Variants in SIAE observed in about 807,000 individuals in gnomAD.
SIAE encodes the protein sialate O-acetylesterase.
Under a neutral mutation model 52.6 loss-of-function variants are expected in SIAE, and 39 were observed. That is an observed-to-expected ratio of 0.74 (90% CI 0.57 to 0.97). The LOEUF (loss-of-function observed/expected upper bound fraction) is 0.97, where lower values mean the gene tolerates loss of function less well. SIAE is among the 50% of genes least tolerant of loss of function. The pLI is 0.00. For missense variants in SIAE, 592 were observed against 662.1 expected, an observed-to-expected ratio of 0.89 and a Z score of 1.16; for synonymous variants, 233 against 241.4, an observed-to-expected ratio of 0.97 and a Z score of 0.32.
rs1267670839 is a variant in SIAE, at chr11:124,635,394, A to C, written c.*1557T>G. ...CTAAATAAAATCTTGGCACTGACAA[A>C]GTTATTCCTGCTGTTTGGAGCTACA... is the stretch of plus-strand genomic sequence containing the variant. On this transcript the variant is annotated 3_prime_UTR_variant, in exon 10 of 10. Coordinates refer to ENST00000263593, the MANE Select transcript of SIAE (RefSeq NM_170601.5). The C allele has an allele frequency of 6.6e-6, 1 of 152,194 alleles. No homozygotes were observed. Among genetic ancestry groups the C allele is most frequent in the African/African-American group, 2.4e-5 (1 of 41,430 alleles). The allele number at this position is 152,194 out of a possible 1,614,324, so 9.4% of individuals were successfully genotyped here. A position where few individuals can be genotyped will look rare whatever the true frequency, so the allele number is the denominator to read the frequency against.
chr11:124,665,767 C>T (rs1008420774), intron 2 of SIAE, among the ~76,000 whole-genome samples: 2 of 151,710 alleles, frequency 1.3e-5, no homozygotes, highest in East Asian at 1.9e-4. Context: ...TGCAGTGAAC[C>T]GAGATCACAC....
chr11:124,638,193 G>C (rs1157740373), intron 9 of SIAE, among the ~76,000 whole-genome samples: 1 of 152,216 alleles, frequency 6.6e-6, no homozygotes, highest in Non-Finnish European at 1.5e-5. Flanking sequence ...CAAGGATGGG[G>C]TAAATATTCT....
chr11:124,641,959 C>CAAAA (rs11327177), intron 7 of SIAE, among the ~76,000 whole-genome samples: 5 of 39,142 alleles, frequency 1.3e-4, no homozygotes, highest in Admixed American at 2.5e-4. Flanking sequence ...GACTCCATCT[C>CAAAA]AAAAAAAAAA....
chr11:124,671,090 T>C (rs189127843), intron 1 of SIAE, among the ~76,000 whole-genome samples: 1 of 152,312 alleles, frequency 6.6e-6, no homozygotes, highest in Admixed American at 6.5e-5. Flanking sequence ...GGGAAATACC[T>C]TCCCAAGTCT....
rs1942678726 is a variant in SIAE at position 124,634,473 on chromosome 11, C to A, written c.*2478G>T. 1 of 152,028 alleles carries A rather than the reference C, an allele frequency of 6.6e-6. No homozygotes were observed. The highest frequency in any genetic ancestry group is 1.5e-5 in the Non-Finnish European group (1 of 68,016). The allele number at this position is 152,028 out of a possible 1,614,324, so 9.4% of individuals were successfully genotyped here. A position where few individuals can be genotyped will look rare whatever the true frequency, so the allele number is the denominator to read the frequency against. ...GAGGGTGAGGGCAAAAAAAGGACTACCTTGGTGAGAATGTAAGTTGTTTAA... is the reference window on the plus strand; with the variant it reads ...GAGGGTGAGGGCAAAAAAAGGACTAACTTGGTGAGAATGTAAGTTGTTTAA... On this transcript the variant is annotated 3_prime_UTR_variant, in exon 10 of 10. Coordinates refer to ENST00000263593, the MANE Select transcript of SIAE (RefSeq NM_170601.5).
chr11:124,668,450 T>TA (rs1253232032), intron 2 of SIAE, among the ~76,000 whole-genome samples: 1 of 152,232 alleles, frequency 6.6e-6, no homozygotes, highest in Admixed American at 6.5e-5. Flanking sequence ...CACCAGTACC[T>TA]AGCACAGTAT....
At position 124,636,492 on chromosome 11, in the gene SIAE, C is replaced by G. The variant is rs1278822700; in HGVS notation, c.*459G>C. 9.2e-6 allele frequency: 2 copies of G among 216,588 alleles called. No homozygotes were observed. Among genetic ancestry groups the G allele is most frequent in the Non-Finnish European group, 1.9e-5 (2 of 107,224 alleles). The allele number at this position is 216,588 out of a possible 1,614,324, so 13.4% of individuals were successfully genotyped here. ...CCATATCACCCTGAACGCGCCTGAT[C>G]TCATCTGATCTCGGAAGCTAAGCAG... On this transcript the variant is annotated 3_prime_UTR_variant, in exon 10 of 10. Transcript: ENST00000263593.
intron 4 of SIAE, 64 bp from the exon 5 acceptor site, chr11:124,649,860 GC>G: frequency 6.4e-6 from 10 of 1,560,144 alleles, no homozygotes; most frequent in Non-Finnish European, 7.9e-6. Flanking sequence ...AACTGCAGCT[GC>G]TAGGTGGGTC....
At chr11:124,655,191 G>GTT (rs1943079070) in intron 3 of SIAE, among the ~76,000 whole-genome samples, 1 of 88,052 alleles carries the variant, frequency 1.1e-5, no homozygotes, top group African/African-American at 3.5e-5. Context: ...TTTTTTTTTT[G>GTT]TGTGTGAGAC....
chr11:124,675,153 C>G, upstream of SIAE: 1 of 1,344,478 alleles, frequency 7.4e-7, no homozygotes, highest in Non-Finnish European at 1.0e-6. Flanking sequence ...ATGTATGAGT[C>G]TCAGAAATAA....
chr11:124,656,207 C>T (rs1943096327), intron 3 of SIAE, among the ~76,000 whole-genome samples: 1 of 152,084 alleles, frequency 6.6e-6, no homozygotes, highest in Non-Finnish European at 1.5e-5. Context: ...ATACTCAACC[C>T]GTATGTATTG....
In SIAE at chr11:124,657,408, G is replaced by T. The variant is rs545400863; in HGVS notation, c.406-2615C>A. Among the ~76,000 whole-genome samples the T allele has an allele frequency of 6.6e-5, 10 of 152,352 alleles. No homozygotes were observed. In the East Asian group the frequency reaches 1.9e-3, roughly 29 times the overall value. On this transcript the variant is annotated intron_variant, in intron 3 of 9. Transcript: ENST00000263593. ...ATCCTATGTTGCTTCCATGGAAACA[G>T]TGGATGAAACTGCTTTCATTCTCTC...
At position 124,639,864 on chromosome 11, in the gene SIAE, A is replaced by G. The variant is rs749602570; in HGVS notation, c.970T>C (p.Ser324Pro). 5 of 1,614,124 alleles carry G rather than the reference A, an allele frequency of 3.1e-6. No individual in the cohort carries two copies. Among genetic ancestry groups the G allele is most frequent in the Non-Finnish European group, 3.4e-6 (4 of 1,180,028 alleles). The change falls in exon 8 of 10, where the codon TCT becomes CCT. Residue 324 changes from serine to proline, a missense_variant. By Grantham distance (74) the Ser-to-Pro change is moderately conservative. Transcript: ENST00000263593. ...RFFPFGLVQL[S>P]SDLSKKSSDD... Reference sequence around the variant, plus strand: ...GAGCTCTTCTTAGACAAATCTGAAGATAACTAGAAAGCAGAGACATTGCTA... The same window carrying G: ...GAGCTCTTCTTAGACAAATCTGAAGGTAACTAGAAAGCAGAGACATTGCTA...
At chr11:124,664,331 A>C (rs1943240588) in intron 2 of SIAE, among the ~76,000 whole-genome samples, 2 of 151,710 alleles carry the variant, frequency 1.3e-5, no homozygotes, top group Non-Finnish European at 2.9e-5. Flanking sequence ...TCCCGGGTTC[A>C]AGCAATTCTC....
At chr11:124,654,832 G>T in intron 3 of SIAE, 39 bp from the exon 4 acceptor site, 1 of 1,611,614 alleles carries the variant, frequency 6.2e-7, no homozygotes, top group Non-Finnish European at 8.5e-7. Flanking sequence ...CCTAGCAGGT[G>T]GTGAACTAGC....
chr11:124,639,651 A>G lies in SIAE; in HGVS notation c.1124+59T>C, dbSNP rs150976623. 2.5e-6 allele frequency: 4 copies of G among 1,609,682 alleles called. No homozygotes were observed. In the African/African-American group the frequency reaches 5.3e-5, roughly 21 times the overall value. On this transcript the variant is annotated intron_variant, in intron 8 of 9. Transcript: ENST00000263593. ...TAATTGCCCCTCACCGGTGAACATC[A>G]GAGTGAAAGACTACAAAGAACATAC...
chr11:124,649,557 G>T, intron 5 of SIAE, 62 bp downstream of exon 5: 2 of 1,563,636 alleles, frequency 1.3e-6, no homozygotes, highest in East Asian at 2.2e-5. Context: ...AGAGGACGAT[G>T]ACCCTCTCTC....
chr11:124,661,202 T>C lies in SIAE; in HGVS notation c.230-399A>G, dbSNP rs111862155. Among the ~76,000 whole-genome samples, 278 of 152,282 alleles carry C rather than the reference T, an allele frequency of 1.8e-3. 1 individual carries two copies. The highest frequency in any genetic ancestry group is 4.7e-3 in the African/African-American group (196 of 41,548). On this transcript the variant is annotated intron_variant, in intron 2 of 9. Transcript: ENST00000263593. ...CCCAAACTAACTTGCAATTACTCAA[T>C]TGAATGTGACCACAGGGTATAGAAA...
Position 124,658,084 on chromosome 11 carries a change from G to A in SIAE, c.405+2544C>T, listed in dbSNP as rs75408477. Among the ~76,000 whole-genome samples, 234 of 152,254 alleles carry A rather than the reference G, an allele frequency of 1.5e-3. 2 individuals are homozygous for A. In the East Asian group the frequency reaches 0.03, roughly 19 times the overall value. On this transcript the variant is annotated intron_variant, in intron 3 of 9. Transcript: ENST00000263593. ...CCGCTGCCTCTCTAGGGACTGGACC[G>A]TTCACCATCAAAGCAGCTGCTCACT...
Sources: allele counts gnomAD v4.1 joint callset (sites outside exome capture counted in the v4.1 genomes callset), GRCh38; gene constraint gnomAD v4.1.1; transcripts MANE v1.5; gene names NCBI Gene and HGNC (gene_info 2026-07-23, HGNC 2026-07-21).